The following ITGB8 variants were observed in gnomAD, a reference collection of about 807,000 sequenced individuals.
The protein encoded by ITGB8 is integrin beta-8.
Under a neutral mutation model 89.5 loss-of-function variants are expected in ITGB8, and 30 were observed. The observed-to-expected ratio is 0.34, with a 90% confidence interval of 0.25 to 0.45. The LOEUF (loss-of-function observed/expected upper bound fraction) is 0.45, where lower values mean the gene tolerates loss of function less well. ITGB8 is among the 20% of genes least tolerant of loss of function. The pLI is 1.00. For missense variants in ITGB8, 836 were observed against 933.3 expected, an observed-to-expected ratio of 0.90 and a Z score of 1.36; for synonymous variants, 335 against 320.4, an observed-to-expected ratio of 1.05 and a Z score of -0.49.
At chr7:20,390,118 G>A (rs1485625161) in intron 6 of ITGB8, among the ~76,000 whole-genome samples, 1 of 152,110 alleles carries the variant, frequency 6.6e-6, no homozygotes, top group African/African-American at 2.4e-5. Flanking sequence ...ATACAGAAAT[G>A]TTTACCAAGT....
chr7:20,345,195 A>G (rs1290401883), intron 1 of ITGB8, among the ~76,000 whole-genome samples: 1 of 152,164 alleles, frequency 6.6e-6, no homozygotes, highest in African/African-American at 2.4e-5. Context: ...TCAATGATAT[A>G]TAACTTTCTA....
intron 1 of ITGB8, among the ~76,000 whole-genome samples, chr7:20,351,950 C>A (rs1226057134): frequency 6.6e-6 from 1 of 152,012 alleles, no homozygotes; most frequent in Non-Finnish European, 1.5e-5. Context: ...ATAGGAAGAG[C>A]CCCTGGAACT....
intron 3 of ITGB8, among the ~76,000 whole-genome samples, chr7:20,375,804 T>C (rs1364352648): frequency 6.6e-6 from 1 of 151,082 alleles, no homozygotes; most frequent in African/African-American, 2.4e-5. Context: ...AGGTTAAGTT[T>C]AATCTTTATA....
intron 8 of ITGB8, among the ~76,000 whole-genome samples, chr7:20,397,588 G>T (rs1483334488): frequency 3.9e-5 from 6 of 152,164 alleles, no homozygotes; most frequent in Non-Finnish European, 8.8e-5. Context: ...ATTGCGTTAG[G>T]CATTTCCTTC....
intron 5 of ITGB8, 73 bp downstream of exon 5, chr7:20,380,904 C>A: frequency 7.5e-7 from 1 of 1,330,904 alleles, no homozygotes; most frequent in South Asian, 1.3e-5. Flanking sequence ...TTTATTTTCT[C>A]TTTGATTTGT....
chr7:20,355,252 T>C (rs1785253173), intron 1 of ITGB8, among the ~76,000 whole-genome samples: 1 of 152,172 alleles, frequency 6.6e-6, no homozygotes, highest in Non-Finnish European at 1.5e-5. Flanking sequence ...AACTTTGTGT[T>C]GTCGTTTGGG....
intron 6 of ITGB8, among the ~76,000 whole-genome samples, chr7:20,385,216 C>T (rs183853116): frequency 2.0e-5 from 3 of 152,296 alleles, no homozygotes; most frequent in Admixed American, 2.0e-4. Context: ...GACCAAGGAA[C>T]AAGTATGTGG....
intron 8 of ITGB8, among the ~76,000 whole-genome samples, chr7:20,398,144 A>C (rs1787165093): frequency 6.6e-6 from 1 of 152,234 alleles, no homozygotes. Flanking sequence ...ATATTTATTG[A>C]ATGAGTGTAT....
At chr7:20,377,618 A>G (rs1013227165) in intron 3 of ITGB8, among the ~76,000 whole-genome samples, 8 of 152,240 alleles carry the variant, frequency 5.3e-5, no homozygotes, top group Non-Finnish European at 1.2e-4. Context: ...AGAGCAGAAT[A>G]TAGGATATGC....
intron 4 of ITGB8, chr7:20,379,759 C>T (rs1240009644): frequency 6.6e-6 from 1 of 152,024 alleles, no homozygotes; most frequent in African/African-American, 2.4e-5. Context: ...ATGTTGTCTC[C>T]GATGTGACTA....
chr7:20,367,308 T>A (rs1785740346), intron 3 of ITGB8, 122 bp downstream of exon 3: 2 of 751,688 alleles, frequency 2.7e-6, no homozygotes, highest in African/African-American at 3.6e-5. Context: ...CACAGTGGAC[T>A]CAGAATCAAG....
intron 1 of ITGB8, among the ~76,000 whole-genome samples, chr7:20,360,865 A>C (rs1406877030): frequency 4.1e-5 from 6 of 146,982 alleles, no homozygotes; most frequent in African/African-American, 1.5e-4. Context: ...GTAGATACCC[A>C]ATGGTAGGAC....
intron 1 of ITGB8, among the ~76,000 whole-genome samples, chr7:20,332,694 C>T (rs1784447222): frequency 6.6e-6 from 1 of 152,124 alleles, no homozygotes; most frequent in Admixed American, 6.5e-5. Context: ...ATAATACCTG[C>T]CTTCTCTAAA....
In ITGB8 at chr7:20,331,749, G is replaced by C; in HGVS notation, c.-58G>C. The C allele has an allele frequency of 6.4e-7, 1 of 1,555,060 alleles. No homozygotes were observed. Among genetic ancestry groups the C allele is most frequent in the Non-Finnish European group, 8.7e-7 (1 of 1,150,380 alleles). ...GGGCCCCGAGGTGCGCCCGGGAGGC[G>C]CGAGCCCGCGTCCGGAAGGCAGTCA... On this transcript the variant is annotated 5_prime_UTR_variant, in exon 1 of 14. Coordinates refer to ENST00000222573, the MANE Select transcript of ITGB8 (RefSeq NM_002214.3).
intron 9 of ITGB8, among the ~76,000 whole-genome samples, chr7:20,399,327 C>A (rs1269708720): frequency 6.6e-6 from 1 of 152,076 alleles, no homozygotes; most frequent in East Asian, 1.9e-4. Context: ...AGTGTCTGTA[C>A]TTATAATAAT....
intron 3 of ITGB8, among the ~76,000 whole-genome samples, chr7:20,374,139 T>C (rs1029312929): frequency 1.3e-5 from 2 of 152,158 alleles, no homozygotes; most frequent in African/African-American, 4.8e-5. Context: ...GCAGGAAGAT[T>C]TGGGAGCCAG....
rs201113693 is a variant in ITGB8 at position 20,336,000 on chromosome 7, C to CTTTT, written c.127+4087_127+4090dup. Among the ~76,000 whole-genome samples the CTTTT allele has an allele frequency of 9.1e-3, 873 of 96,336 alleles. 12 individuals carry two copies. Among genetic ancestry groups the CTTTT allele is most frequent in the Non-Finnish European group, 0.012 (649 of 52,468 alleles). The allele number at this position is 96,336 out of a possible 152,430, so 63.2% of individuals were successfully genotyped here. A position where few individuals can be genotyped will look rare whatever the true frequency, so the allele number is the denominator to read the frequency against. ...ACTTCTCTGATCCAGTCTTGGTTTT[C>CTTTT]TTTTTTTTTTTTTTTTTTTTTTTGA... is the stretch of plus-strand genomic sequence containing the variant. On this transcript the variant is annotated intron_variant, in intron 1 of 13. Transcript: ENST00000222573.
At chr7:20,384,166 C>T (rs77999558) in intron 6 of ITGB8, among the ~76,000 whole-genome samples, 1,542 of 152,226 alleles carry the variant, frequency 0.01, 28 homozygotes, top group African/African-American at 0.035. Context: ...GACCTCTATC[C>T]TCCCCTATTT....
At chr7:20,339,114 C>A (rs796344542) in intron 1 of ITGB8, among the ~76,000 whole-genome samples, 47 of 150,642 alleles carry the variant, frequency 3.1e-4, no homozygotes, top group African/African-American at 1.1e-3. Flanking sequence ...ATCATTTGAA[C>A]CCATGAGATG....
Sources: allele counts gnomAD v4.1 joint callset (sites outside exome capture counted in the v4.1 genomes callset), GRCh38; gene constraint gnomAD v4.1.1; transcripts MANE v1.5; gene names NCBI Gene and HGNC (gene_info 2026-07-23, HGNC 2026-07-21).